PIK3CA: variants seen among roughly 807,000 people sequenced by gnomAD.
PIK3CA encodes the protein phosphatidylinositol 4,5-bisphosphate 3-kinase catalytic subunit alpha isoform.
Under a neutral mutation model 138.2 loss-of-function variants are expected in PIK3CA, and 27 were observed. That is an observed-to-expected ratio of 0.20 (90% CI 0.14 to 0.27). The LOEUF (loss-of-function observed/expected upper bound fraction) is 0.27. PIK3CA is among the 10% of genes least tolerant of loss of function. PIK3CA has a pLI of 1.00. For missense variants in PIK3CA, 544 were observed against 1,277.4 expected (o/e 0.43, Z 8.75); for synonymous variants, 358 against 413.2 (o/e 0.87, Z 1.62).
At chr3:179,194,128 A>G (rs977931341) in intron 1 of PIK3CA, among the ~76,000 whole-genome samples, 3 of 152,250 alleles carry the variant, frequency 2.0e-5, no homozygotes, top group African/African-American at 7.2e-5. Context: ...TATAACCTAC[A>G]CTTGAAAAGC....
intron 1 of PIK3CA, among the ~76,000 whole-genome samples, chr3:179,195,852 C>T (rs1402134401): frequency 6.6e-6 from 1 of 152,172 alleles, no homozygotes; most frequent in Non-Finnish European, 1.5e-5. Flanking sequence ...CCATTTGCCA[C>T]TTCTACACTT....
At chr3:179,228,349 G>T (rs1725131399) in intron 17 of PIK3CA, among the ~76,000 whole-genome samples, 1 of 151,980 alleles carries the variant, frequency 6.6e-6, no homozygotes, top group Admixed American at 6.6e-5. Context: ...ATAAAATCAT[G>T]TATGGGTAAG....
Position 179,198,913 on chromosome 3 carries a change from A to C in PIK3CA, c.88A>C (p.Met30Leu). 1 of 1,610,098 alleles carries C rather than the reference A, an allele frequency of 6.2e-7. No homozygotes were observed. The highest frequency in any genetic ancestry group is 8.5e-7 in the Non-Finnish European group (1 of 1,177,604). ...AGTAGAATGTTTACTACCAAATGGAATGATAGTGACTTTAGAATGCCTCCG... is the reference window on the plus strand; with the variant it reads ...AGTAGAATGTTTACTACCAAATGGACTGATAGTGACTTTAGAATGCCTCCG... Reference protein sequence around the residue: ...ILVECLLPNGMIVTLECLREA... With the variant: ...ILVECLLPNGLIVTLECLREA... Residue 30 changes from methionine (M) to leucine (L), a missense_variant, in exon 2 of 21, where the codon ATG (methionine) becomes CTG (leucine). By Grantham distance (15) the Met-to-Leu change is conservative. This residue lies in a region of PIK3CA where 47 missense variants were observed against 84.0 expected (regional missense o/e 0.56). Coordinates refer to ENST00000263967, the MANE Select transcript of PIK3CA (RefSeq NM_006218.4).
At chr3:179,174,354 C>T (rs1406947517) in intron 1 of PIK3CA, among the ~76,000 whole-genome samples, 2 of 88,648 alleles carry the variant, frequency 2.3e-5, no homozygotes, top group Non-Finnish European at 4.3e-5. Context: ...ACCTGTAATC[C>T]CAGCTCTCGG....
Position 179,149,349 on chromosome 3 carries a change from A to C in PIK3CA, c.-77+746A>C, listed in dbSNP as rs374519780. 4.6e-5 allele frequency among the ~76,000 whole-genome samples: 7 copies of C among 152,252 alleles called. No homozygotes were observed. The East Asian group carries it at 9.6e-4, about 21-fold the overall frequency. ...GTAGGGTAGGGCCCGGGATTGGGCT[A>C]TGTAAACACCAGACGTTCAGCCGGC... On this transcript the variant is annotated intron_variant, in intron 1 of 20. Coordinates refer to ENST00000263967, the MANE Select transcript of PIK3CA (RefSeq NM_006218.4).
chr3:179,185,042 G>A (rs79686596), intron 1 of PIK3CA, among the ~76,000 whole-genome samples: 2,666 of 152,296 alleles, frequency 0.018, 96 homozygotes, highest in African/African-American at 0.061. Context: ...AAGAAAGACT[G>A]TGGGAACAGT....
intron 1 of PIK3CA, among the ~76,000 whole-genome samples, chr3:179,189,673 A>C (rs1274818939): frequency 6.6e-6 from 1 of 152,242 alleles, no homozygotes; most frequent in Admixed American, 6.5e-5. Context: ...ATAATGCATT[A>C]AATCTCTGAA....
chr3:179,157,136 A>G (rs1311787245), intron 1 of PIK3CA, among the ~76,000 whole-genome samples: 2 of 152,222 alleles, frequency 1.3e-5, no homozygotes, highest in Admixed American at 1.3e-4. Flanking sequence ...AAAGGAAAGA[A>G]TTACATTTTG....
chr3:179,191,753 C>T (rs1455606708), intron 1 of PIK3CA, among the ~76,000 whole-genome samples: 1 of 152,172 alleles, frequency 6.6e-6, no homozygotes, highest in African/African-American at 2.4e-5. Context: ...TCTCTTGCCT[C>T]AGCCTCCCAA....
In PIK3CA at chr3:179,209,546, G is replaced by C. The variant is rs1576938029; in HGVS notation, c.1146-49G>C. ...TTTGTAGGAGTCATTTATATACTTTGATGAAGACTTTTCTTGATGTATTAT... is the reference window on the plus strand; with the variant it reads ...TTTGTAGGAGTCATTTATATACTTTCATGAAGACTTTTCTTGATGTATTAT... On this transcript the variant is annotated intron_variant, in intron 6 of 20. Coordinates refer to ENST00000263967, the MANE Select transcript of PIK3CA (RefSeq NM_006218.4). 9 of 1,113,512 alleles carry C rather than the reference G, an allele frequency of 8.1e-6. No homozygotes were observed. The East Asian group carries it at 2.2e-4, about 28-fold the overall frequency. 69.0% of individuals were successfully genotyped at this position (1,113,512 alleles called of 1,614,324 possible).
At chr3:179,229,587 G>C (rs535783056) in intron 18 of PIK3CA, 145 bp downstream of exon 18, 7 of 542,394 alleles carry the variant, frequency 1.3e-5, no homozygotes, top group African/African-American at 1.9e-5. Flanking sequence ...TGAAATATTT[G>C]ATGTTAATGG....
chr3:179,180,049 A>G (rs889187081), intron 1 of PIK3CA, among the ~76,000 whole-genome samples: 4 of 152,224 alleles, frequency 2.6e-5, no homozygotes, highest in Non-Finnish European at 5.9e-5. Flanking sequence ...AGAGAAGAGC[A>G]CAGTTGTAAT....
intron 1 of PIK3CA, among the ~76,000 whole-genome samples, chr3:179,185,299 G>A (rs1421470121): frequency 4.6e-5 from 7 of 152,164 alleles, no homozygotes; most frequent in Non-Finnish European, 8.8e-5. Context: ...AAAGAATCAG[G>A]TCAAGTGATT....
intron 6 of PIK3CA, among the ~76,000 whole-genome samples, chr3:179,205,826 A>AC (rs1214276659): frequency 6.6e-6 from 1 of 152,240 alleles, no homozygotes; most frequent in East Asian, 1.9e-4. Context: ...TGATAAAATA[A>AC]CAATAGAGCT....
intron 9 of PIK3CA, 97 bp from the exon 10 acceptor site, chr3:179,218,113 A>T (rs1724882412): frequency 8.6e-7 from 1 of 1,169,284 alleles, no homozygotes; most frequent in East Asian, 2.8e-5. Context: ...TGTAAAATTT[A>T]TTGAAAATGT....
At chr3:179,172,602 A>C (rs1463069511) in intron 1 of PIK3CA, among the ~76,000 whole-genome samples, 1 of 152,204 alleles carries the variant, frequency 6.6e-6, no homozygotes, top group African/African-American at 2.4e-5. Flanking sequence ...CCATCCAAAA[A>C]TGAAATTAAA....
chr3:179,201,961 G>T (rs1406125097), intron 4 of PIK3CA, among the ~76,000 whole-genome samples: 1 of 152,090 alleles, frequency 6.6e-6, no homozygotes, highest in Non-Finnish European at 1.5e-5. Flanking sequence ...AATAGCGTTT[G>T]TAAGCTTATT....
At chr3:179,171,123 A>G (rs1175819897) in intron 1 of PIK3CA, among the ~76,000 whole-genome samples, 2 of 144,672 alleles carry the variant, frequency 1.4e-5, no homozygotes, top group Non-Finnish European at 3.0e-5. Flanking sequence ...ATTAAAAATC[A>G]TGGAGAGAAA....
chr3:179,164,714 A>T (rs1723372116), intron 1 of PIK3CA, among the ~76,000 whole-genome samples: 1 of 152,088 alleles, frequency 6.6e-6, no homozygotes, highest in Non-Finnish European at 1.5e-5. Context: ...ACTAAAAAAT[A>T]TAAAATTAGC....
Sources: gnomAD v4.1 joint callset for allele counts (sites outside exome capture counted in the v4.1 genomes callset) on GRCh38, gnomAD v4.1.1 for gene constraint, gnomAD v4.1.1 regional missense constraint, MANE v1.5 for transcripts, NCBI Gene and HGNC (gene_info 2026-07-23, HGNC 2026-07-21) for gene names.